IL1RAPL1: variants seen among roughly 807,000 people sequenced by gnomAD.
The protein encoded by IL1RAPL1 is interleukin 1 receptor accessory protein like 1.
A neutral mutation model predicts 48.4 loss-of-function variants in IL1RAPL1; 3 were observed. The observed-to-expected ratio is 0.06, with a 90% CI of 0.03 to 0.16. IL1RAPL1 has a LOEUF of 0.16. Ranked by LOEUF, IL1RAPL1 falls within the 10% of genes least tolerant of loss-of-function variation. IL1RAPL1 has a pLI of 1.00. For missense variants in IL1RAPL1, 349 were observed against 530.6 expected, an observed-to-expected ratio of 0.66 and a Z score of 3.36; for synonymous variants, 185 against 187.7, an observed-to-expected ratio of 0.99 and a Z score of 0.12.
At chrX:29,235,050 C>T (rs5943626) in intron 2 of IL1RAPL1, among the ~76,000 whole-genome samples, 41,059 of 110,929 alleles carry the variant, frequency 0.37, 7,265 homozygotes, top group Non-Finnish European at 0.55. Flanking sequence ...TCCACTTCTA[C>T]GCATCCCCTG....
intron 5 of IL1RAPL1, among the ~76,000 whole-genome samples, chrX:29,645,715 A>G (rs749951770): frequency 3.6e-5 from 4 of 111,824 alleles, no homozygotes; most frequent in Admixed American, 2.8e-4. Flanking sequence ...GGCATGCCCC[A>G]GGGCTGTGCT....
intron 5 of IL1RAPL1, among the ~76,000 whole-genome samples, chrX:29,501,795 G>GTTTTTTT (rs36045396): frequency 1.2e-5 from 1 of 80,583 alleles, no homozygotes; most frequent in African/African-American, 4.9e-5. Flanking sequence ...GCTTATTTGA[G>GTTTTTTT]TTTTTTTTTT....
intron 6 of IL1RAPL1, among the ~76,000 whole-genome samples, chrX:29,759,987 G>A (rs1393934545): frequency 8.9e-6 from 1 of 111,748 alleles, no homozygotes; most frequent in Non-Finnish European, 1.9e-5. Flanking sequence ...ATGGGGCAAA[G>A]CATAAATTTC....
intron 1 of IL1RAPL1, among the ~76,000 whole-genome samples, chrX:28,645,019 G>T (rs1054920246): frequency 8.1e-5 from 9 of 110,570 alleles, no homozygotes; most frequent in African/African-American, 3.0e-4. Flanking sequence ...ATTTTTGAGG[G>T]TGGCATAATC....
intron 5 of IL1RAPL1, among the ~76,000 whole-genome samples, chrX:29,439,902 A>G (rs1316592445): frequency 4.1e-5 from 2 of 48,590 alleles, no homozygotes; most frequent in Admixed American, 2.6e-4. Context: ...CATTTTGTTG[A>G]CAGGACTTTT....
At chrX:28,677,153 A>C (rs776835665) in intron 1 of IL1RAPL1, among the ~76,000 whole-genome samples, 3 of 111,882 alleles carry the variant, frequency 2.7e-5, no homozygotes, top group South Asian at 7.4e-4. Context: ...TTTCTTCATT[A>C]CATCAGTTTT....
chrX:28,711,082 C>T (rs1281828037), intron 1 of IL1RAPL1, among the ~76,000 whole-genome samples: 2 of 111,906 alleles, frequency 1.8e-5, no homozygotes, highest in African/African-American at 6.5e-5. Context: ...AGAGGGGAAT[C>T]GTGCATAGAA....
At chrX:28,913,576 A>G (rs981648429) in intron 2 of IL1RAPL1, among the ~76,000 whole-genome samples, 3 of 111,378 alleles carry the variant, frequency 2.7e-5, no homozygotes, top group African/African-American at 9.8e-5. Context: ...TACGTAGGCC[A>G]ACTATTTGGA....
intron 3 of IL1RAPL1, among the ~76,000 whole-genome samples, chrX:29,372,326 T>C (rs1025351759): frequency 1.7e-4 from 19 of 112,260 alleles, no homozygotes; most frequent in African/African-American, 5.2e-4. Flanking sequence ...TATTAGACTT[T>C]CGCCAAATGC....
chrX:28,938,501 T>A (rs1390883482), intron 2 of IL1RAPL1, among the ~76,000 whole-genome samples: 1 of 111,198 alleles, frequency 9.0e-6, no homozygotes, highest in Non-Finnish European at 1.9e-5. Context: ...CCCCTCCTTA[T>A]ACCATATACA....
At chrX:28,793,505 A>G (rs977657635) in intron 2 of IL1RAPL1, among the ~76,000 whole-genome samples, 2 of 111,648 alleles carry the variant, frequency 1.8e-5, no homozygotes, top group Non-Finnish European at 3.8e-5. Flanking sequence ...AAATATTATT[A>G]TTACTTTGTC....
chrX:29,489,787 C>T (rs190644924), intron 5 of IL1RAPL1, among the ~76,000 whole-genome samples: 1 of 111,727 alleles, frequency 9.0e-6, no homozygotes, highest in Non-Finnish European at 1.9e-5. Flanking sequence ...CAGATAGTTA[C>T]TAGTATAGGC....
intron 2 of IL1RAPL1, among the ~76,000 whole-genome samples, chrX:29,208,263 G>A (rs948323540): frequency 2.7e-5 from 3 of 111,316 alleles, no homozygotes; most frequent in Non-Finnish European, 5.6e-5. Context: ...CTAAACTACA[G>A]ATCAAACCTC....
rs1026099319 is a variant in IL1RAPL1 at position 29,756,537 on chromosome X, C to T, written c.778+88033C>T. ...AAGCGATTCTCCTGTCTCAGCCTCC[C>T]GAGTAGCTGGGATTACAGGCGCCCA... On this transcript the variant is annotated intron_variant, in intron 6 of 10. Transcript: ENST00000378993. 5.4e-5 allele frequency among the ~76,000 whole-genome samples: 6 copies of T among 110,190 alleles called. 1 individual carries two copies. Among genetic ancestry groups the T allele is most frequent in the South Asian group, 7.9e-4 (2 of 2,526 alleles).
intron 5 of IL1RAPL1, among the ~76,000 whole-genome samples, chrX:29,455,207 G>A (rs1207982732): frequency 9.0e-6 from 1 of 111,366 alleles, no homozygotes; most frequent in Non-Finnish European, 1.9e-5. Flanking sequence ...TCCTGCACAT[G>A]TATCCTGGAA....
intron 2 of IL1RAPL1, among the ~76,000 whole-genome samples, chrX:29,230,522 A>AAAAAAC (rs1555978821): frequency 1.1e-5 from 1 of 90,822 alleles, no homozygotes; most frequent in African/African-American, 4.2e-5. Context: ...AAAAAAAAAA[A>AAAAAAC]AAAAAAAAAA....
chrX:29,668,664 T>A (rs765854174), intron 6 of IL1RAPL1, among the ~76,000 whole-genome samples, 160 bp downstream of exon 6: 1 of 111,923 alleles, frequency 8.9e-6, no homozygotes, highest in Admixed American at 9.6e-5. Flanking sequence ...TTTCATTCCT[T>A]ACAGTGCGTG....
At chrX:29,026,090 C>T (rs1174108168) in intron 2 of IL1RAPL1, among the ~76,000 whole-genome samples, 1 of 112,052 alleles carries the variant, frequency 8.9e-6, no homozygotes, top group African/African-American at 3.2e-5. Context: ...GAAAGAAAAG[C>T]AAGAAGTGGG....
At chrX:28,960,396 G>C (rs182194568) in intron 2 of IL1RAPL1, among the ~76,000 whole-genome samples, 1 of 111,875 alleles carries the variant, frequency 8.9e-6, no homozygotes, top group African/African-American at 3.2e-5. Context: ...CAGAGGGACT[G>C]ATAATAGTTA....
Sources: gnomAD v4.1 joint callset for allele counts (sites outside exome capture counted in the v4.1 genomes callset) on GRCh38, gnomAD v4.1.1 for gene constraint, MANE v1.5 for transcripts, NCBI Gene and HGNC (gene_info 2026-07-23, HGNC 2026-07-21) for gene names.